The following SLC38A6 variants were observed in gnomAD, a reference collection of about 807,000 sequenced individuals.
The protein encoded by SLC38A6 is solute carrier family 38 member 6.
In SLC38A6, 73 loss-of-function variants were observed where a neutral mutation model predicts 65.0. The observed-to-expected ratio is 1.12, with a 90% CI of 0.93 to 1.37. SLC38A6 has a LOEUF of 1.37. Ranked by LOEUF, SLC38A6 falls within the 40% of genes most tolerant of loss-of-function variation. The pLI is 0.00. For missense variants in SLC38A6, 561 were observed against 531.1 expected (o/e 1.06, Z -0.55); for synonymous variants, 183 against 178.8 (o/e 1.02, Z -0.19).
chr14:60,995,996 A>G (rs1272275828), intron 3 of SLC38A6, among the ~76,000 whole-genome samples: 3 of 152,332 alleles, frequency 2.0e-5, no homozygotes, highest in East Asian at 3.9e-4. Context: ...GTACAGCACT[A>G]AAAGTGAACC....
intron 3 of SLC38A6, among the ~76,000 whole-genome samples, chr14:61,001,750 A>G (rs1253141495): frequency 2.0e-5 from 3 of 151,862 alleles, no homozygotes; most frequent in Non-Finnish European, 4.4e-5. Context: ...AGCTACACTA[A>G]TCCCTCCCCT....
chr14:61,062,389 T>C (rs1594773327), intron 15 of SLC38A6, among the ~76,000 whole-genome samples: 1 of 152,296 alleles, frequency 6.6e-6, no homozygotes, highest in Admixed American at 6.5e-5. Context: ...TATCTCGTTG[T>C]TTTAGTTTGC....
intron 3 of SLC38A6, among the ~76,000 whole-genome samples, chr14:61,001,730 G>A (rs2038725200): frequency 6.6e-6 from 1 of 152,136 alleles, no homozygotes; most frequent in African/African-American, 2.4e-5. Context: ...CAGAAGGTTA[G>A]CAAAAGCTCA....
At chr14:60,989,247 C>T (rs1175064074) in intron 3 of SLC38A6, among the ~76,000 whole-genome samples, 1 of 152,116 alleles carries the variant, frequency 6.6e-6, no homozygotes, top group East Asian at 1.9e-4. Context: ...TGCTATGATC[C>T]CACCTGCTCT....
chr14:61,047,995 A>G (rs888018036), intron 12 of SLC38A6, among the ~76,000 whole-genome samples: 3 of 147,142 alleles, frequency 2.0e-5, no homozygotes, highest in Non-Finnish European at 4.5e-5. Context: ...ACATACATAC[A>G]TACATACATA....
intron 5 of SLC38A6, among the ~76,000 whole-genome samples, chr14:61,026,472 T>A (rs1246758172): frequency 2.0e-5 from 3 of 152,160 alleles, no homozygotes; most frequent in African/African-American, 7.2e-5. Flanking sequence ...TATCTCAAGA[T>A]GAAATGAAAA....
rs567489282 is a variant in SLC38A6, at chr14:61,050,716, G to A, written c.1050+80G>A. On this transcript the variant is annotated intron_variant, in intron 13 of 15. Coordinates refer to ENST00000267488, the MANE Select transcript of SLC38A6 (RefSeq NM_153811.3). ...ACACTAATTCTTTGCAGAATAGAATGTTTGAATCACATCTAGTCTTGTATA... is the reference window on the plus strand; with the variant it reads ...ACACTAATTCTTTGCAGAATAGAATATTTGAATCACATCTAGTCTTGTATA... 5 of 1,253,932 alleles carry A rather than the reference G, an allele frequency of 4.0e-6. No individual in the cohort carries two copies. In the East Asian group the frequency reaches 1.3e-4, roughly 33 times the overall value. The allele number at this position is 1,253,932 out of a possible 1,614,324, so 77.7% of individuals were successfully genotyped here.
intron 3 of SLC38A6, among the ~76,000 whole-genome samples, chr14:60,993,138 G>A (rs1422186757): frequency 1.3e-5 from 2 of 152,078 alleles, no homozygotes; most frequent in Non-Finnish European, 2.9e-5. Flanking sequence ...GTGAGCCACC[G>A]CACCTGGCCA....
At chr14:61,005,572 C>G (rs1050389086) in intron 3 of SLC38A6, among the ~76,000 whole-genome samples, 9 of 151,716 alleles carry the variant, frequency 5.9e-5, no homozygotes, top group Non-Finnish European at 1.0e-4. Flanking sequence ...TGAGTGAACT[C>G]CCATTCACAA....
At chr14:61,050,974 G>A (rs1395575947) in intron 13 of SLC38A6, among the ~76,000 whole-genome samples, 1 of 151,962 alleles carries the variant, frequency 6.6e-6, no homozygotes, top group Non-Finnish European at 1.5e-5. Flanking sequence ...GCATGAAGAG[G>A]AAAAAGTCAA....
At chr14:61,039,804 T>C (rs1338237681) in intron 8 of SLC38A6, among the ~76,000 whole-genome samples, 1 of 152,112 alleles carries the variant, frequency 6.6e-6, no homozygotes, top group Non-Finnish European at 1.5e-5. Context: ...TCAATATGTG[T>C]TTGTAAATAT....
intron 5 of SLC38A6, among the ~76,000 whole-genome samples, chr14:61,028,281 C>T (rs2139643377): frequency 6.6e-6 from 1 of 152,130 alleles, no homozygotes; most frequent in African/African-American, 2.4e-5. Context: ...TGGATTAATC[C>T]AAGCAAGAAA....
intron 15 of SLC38A6, among the ~76,000 whole-genome samples, chr14:61,061,983 A>T (rs1359974941): frequency 6.6e-6 from 1 of 151,978 alleles, no homozygotes; most frequent in Non-Finnish European, 1.5e-5. Flanking sequence ...GATTACAGGC[A>T]CCCACCACTA....
At chr14:61,030,589 A>G (rs1440533237) in intron 6 of SLC38A6, 66 bp downstream of exon 6, 2 of 1,104,116 alleles carry the variant, frequency 1.8e-6, no homozygotes, top group Non-Finnish European at 2.7e-6. Flanking sequence ...ATTAAGCTGT[A>G]AATGGCAATA....
intron 3 of SLC38A6, among the ~76,000 whole-genome samples, chr14:61,002,757 C>T (rs755468351): frequency 1.3e-5 from 2 of 152,128 alleles, no homozygotes; most frequent in Non-Finnish European, 2.9e-5. Context: ...TCTCACAAAA[C>T]GTAGCATTGA....
At chr14:61,067,743 A>G (rs2043076279) in intron 15 of SLC38A6, among the ~76,000 whole-genome samples, 1 of 152,162 alleles carries the variant, frequency 6.6e-6, no homozygotes, top group South Asian at 2.1e-4. Context: ...ATGTATAGGT[A>G]CACATATACA....
At chr14:61,079,404 T>G (rs375124512) in intron 16 of SLC38A6, among the ~76,000 whole-genome samples, 14 of 152,110 alleles carry the variant, frequency 9.2e-5, no homozygotes, top group Admixed American at 5.2e-4. Flanking sequence ...CCCAGAGTGC[T>G]GGGATTACAG....
At position 61,052,077 on chromosome 14, in the gene SLC38A6, C is replaced by T; in HGVS notation, c.1232C>T (p.Pro411Leu). The change falls in exon 15 of 16, where the codon CCA (proline) becomes CTA (leucine). Residue 411 changes from proline (P) to leucine (L), a missense_variant. Pro to Leu is a moderately conservative substitution (Grantham distance 98). Transcript: ENST00000267488. The part of the protein sequence containing the change: ...STSTCLIFIF[P>L]GLFYLKLSRE... Reference sequence around the variant, plus strand: ...TCAACATGTTTGATTTTTATATTCCCAGGACTATTTTATCTTAAACTTAGC... The same window carrying T: ...TCAACATGTTTGATTTTTATATTCCTAGGACTATTTTATCTTAAACTTAGC... 7 of 1,588,008 alleles carry T rather than the reference C, an allele frequency of 4.4e-6. No homozygotes were observed. The highest frequency in any genetic ancestry group is 1.2e-5 in the South Asian group (1 of 83,896).
chr14:61,014,968 C>T (rs999657784), intron 3 of SLC38A6, among the ~76,000 whole-genome samples: 16 of 152,194 alleles, frequency 1.1e-4, no homozygotes, highest in African/African-American at 3.9e-4. Flanking sequence ...TTGGCTATGC[C>T]CTGCCCCTAG....
Sources: allele counts gnomAD v4.1 joint callset (sites outside exome capture counted in the v4.1 genomes callset), GRCh38; gene constraint gnomAD v4.1.1; transcripts MANE v1.5; gene names NCBI Gene and HGNC (gene_info 2026-07-23, HGNC 2026-07-21).